Variants in BBX observed in about 807,000 individuals in gnomAD.
BBX encodes the protein BBX high mobility group box domain containing, also known as HMG box transcription factor BBX.
A neutral mutation model predicts 100.2 loss-of-function variants in BBX; 30 were observed. That is an observed-to-expected ratio of 0.30 (90% CI 0.22 to 0.41). The LOEUF (loss-of-function observed/expected upper bound fraction) is 0.41, where lower values mean the gene tolerates loss of function less well. Among genes scored for constraint, BBX ranks in the 10% least tolerant of loss-of-function variants. BBX has a pLI of 1.00. For synonymous variants in BBX, 376 were observed against 388.1 expected, an observed-to-expected ratio of 0.97 and a Z score of 0.37; for missense variants, 1,023 against 1,129.8, an observed-to-expected ratio of 0.91 and a Z score of 1.35.
Position 107,724,009 on chromosome 3 carries a change from T to G in BBX, c.406-4756T>G, listed in dbSNP as rs1302491022. ...ACACTGTCTTCCACAATGGATGAAC[T>G]AGTTTACAGTCCCACCAACAGTGTA... On this transcript the variant is annotated intron_variant, in intron 5 of 17. Coordinates refer to ENST00000325805, the MANE Select transcript of BBX (RefSeq NM_001142568.3). 7.2e-5 allele frequency among the ~76,000 whole-genome samples: 11 copies of G among 152,236 alleles called. 1 individual carries two copies. In the East Asian group the frequency reaches 2.1e-3, roughly 29 times the overall value.
chr3:107,672,447 C>A (rs2059069324), intron 3 of BBX, among the ~76,000 whole-genome samples: 1 of 151,876 alleles, frequency 6.6e-6, no homozygotes, highest in Admixed American at 6.6e-5. Context: ...TGAAAAGAAC[C>A]TATGTTGGAA....
chr3:107,578,708 C>T (rs1420781048), intron 2 of BBX, among the ~76,000 whole-genome samples: 1 of 152,118 alleles, frequency 6.6e-6, no homozygotes, highest in African/African-American at 2.4e-5. Flanking sequence ...AAGCACAGCA[C>T]ACTCAGCTCA....
At chr3:107,638,168 C>T (rs961861657) in intron 2 of BBX, among the ~76,000 whole-genome samples, 2 of 151,706 alleles carry the variant, frequency 1.3e-5, no homozygotes, top group Admixed American at 6.6e-5. Context: ...CCTTCCACCT[C>T]AGCCTCCCAA....
intron 3 of BBX, among the ~76,000 whole-genome samples, chr3:107,686,342 G>A (rs2059845032): frequency 6.6e-6 from 1 of 151,896 alleles, no homozygotes; most frequent in Admixed American, 6.6e-5. Context: ...AACCATAAGA[G>A]AAACCTTCTG....
chr3:107,618,551 T>G (rs1201242607), intron 2 of BBX, among the ~76,000 whole-genome samples: 1 of 152,110 alleles, frequency 6.6e-6, no homozygotes, highest in Non-Finnish European at 1.5e-5. Flanking sequence ...GGTTCCCGTT[T>G]GAGCATTGCG....
At chr3:107,539,127 A>G (rs941811892) in intron 2 of BBX, among the ~76,000 whole-genome samples, 41 of 152,138 alleles carry the variant, frequency 2.7e-4, no homozygotes, top group Non-Finnish European at 4.9e-4. Flanking sequence ...TTGCTTTATC[A>G]TAATAATGTC....
At chr3:107,693,295 A>C (rs1366139811) in intron 3 of BBX, among the ~76,000 whole-genome samples, 2 of 151,776 alleles carry the variant, frequency 1.3e-5, no homozygotes, top group Non-Finnish European at 1.5e-5. Flanking sequence ...CTGAATGGTA[A>C]TGCCTAGGTT....
intron 4 of BBX, chr3:107,711,193 A>T: frequency 2.6e-6 from 1 of 387,834 alleles, no homozygotes; most frequent in South Asian, 1.9e-5. Context: ...ACTCATTCAA[A>T]GTCAAAAGAT....
At position 107,641,172 on chromosome 3, in the gene BBX, C is replaced by T. The variant is rs1165502872; in HGVS notation, c.-83-4664C>T. On this transcript the variant is annotated intron_variant, in intron 2 of 17. Coordinates refer to ENST00000325805, the MANE Select transcript of BBX (RefSeq NM_001142568.3). Reference sequence around the variant, plus strand: ...TTACCTAAGCTCACTGCAACCTCCACCTCCCGGGTTTAAGCAAGTCTCCTG... The same window carrying T: ...TTACCTAAGCTCACTGCAACCTCCATCTCCCGGGTTTAAGCAAGTCTCCTG... 4.0e-5 allele frequency among the ~76,000 whole-genome samples: 6 copies of T among 150,350 alleles called. No individual in the cohort carries two copies. In the East Asian group the frequency reaches 9.9e-4, roughly 25 times the overall value.
Position 107,605,950 on chromosome 3 carries a change from G to A in BBX, c.-83-39886G>A, listed in dbSNP as rs839333. 4.5e-3 allele frequency among the ~76,000 whole-genome samples: 691 copies of A among 152,228 alleles called. 10 individuals are homozygous for A. The highest frequency in any genetic ancestry group is 0.016 in the African/African-American group (672 of 41,510). On this transcript the variant is annotated intron_variant, in intron 2 of 17. Transcript: ENST00000325805. ...CTGTTGGATACTCATTGCCTTAACT[G>A]TTGAAAATGGAACAGATTTTTCAAG...
chr3:107,579,027 T>G (rs1287406114), intron 2 of BBX, among the ~76,000 whole-genome samples: 1 of 152,138 alleles, frequency 6.6e-6, no homozygotes, highest in Non-Finnish European at 1.5e-5. Context: ...TGAGGGACCC[T>G]CTTGTTCTAT....
At position 107,643,614 on chromosome 3, in the gene BBX, C is replaced by A. The variant is rs150428822; in HGVS notation, c.-83-2222C>A. 3.7e-4 allele frequency among the ~76,000 whole-genome samples: 56 copies of A among 152,138 alleles called. No individual in the cohort carries two copies. In the East Asian group the frequency reaches 0.011, roughly 29 times the overall value. ...GATGAAAATCTGCCCAGGCGTTGGT[C>A]TCAGGGCTCATTCAAGTCACCGTTC... On this transcript the variant is annotated intron_variant, in intron 2 of 17. Coordinates refer to ENST00000325805, the MANE Select transcript of BBX (RefSeq NM_001142568.3).
chr3:107,559,987 A>G (rs1303552181), intron 2 of BBX, among the ~76,000 whole-genome samples: 1 of 151,978 alleles, frequency 6.6e-6, no homozygotes, highest in Admixed American at 6.6e-5. Flanking sequence ...CAAGCAATCC[A>G]CCCACCTTGG....
chr3:107,715,868 T>C (rs1055010728), intron 4 of BBX, among the ~76,000 whole-genome samples: 4 of 152,230 alleles, frequency 2.6e-5, no homozygotes, highest in African/African-American at 9.6e-5. Context: ...GGATTCAAAA[T>C]TGATTTTGAA....
intron 2 of BBX, among the ~76,000 whole-genome samples, chr3:107,617,780 G>T (rs189514512): frequency 2.0e-4 from 30 of 152,124 alleles, no homozygotes; most frequent in Admixed American, 1.6e-3. Context: ...CATTTTAGAA[G>T]ATGTTTTTGT....
intron 7 of BBX, among the ~76,000 whole-genome samples, chr3:107,743,811 T>G (rs973871060): frequency 6.6e-6 from 1 of 152,032 alleles, no homozygotes. Context: ...GGTAGAATAT[T>G]CTATTTTTGT....
At chr3:107,571,376 C>G (rs568958082) in intron 2 of BBX, among the ~76,000 whole-genome samples, 2 of 152,182 alleles carry the variant, frequency 1.3e-5, no homozygotes, top group Non-Finnish European at 2.9e-5. Context: ...TGGTTAAACA[C>G]CAAGGGAAGA....
chr3:107,737,893 T>TTG (rs1553795861), intron 7 of BBX, among the ~76,000 whole-genome samples: 1,630 of 133,416 alleles, frequency 0.012, 23 homozygotes, highest in Non-Finnish European at 0.021. Flanking sequence ...AGTTTTTTTT[T>TTG]TTTTTTTTTT....
chr3:107,658,301 A>T (rs2058258102), intron 3 of BBX, among the ~76,000 whole-genome samples: 1 of 152,158 alleles, frequency 6.6e-6, no homozygotes, highest in African/African-American at 2.4e-5. Flanking sequence ...GACTATTTTA[A>T]ATCAAAGCTC....
Sources: gnomAD v4.1 joint callset for allele counts (sites outside exome capture counted in the v4.1 genomes callset) on GRCh38, gnomAD v4.1.1 for gene constraint, MANE v1.5 for transcripts, NCBI Gene and HGNC (gene_info 2026-07-23, HGNC 2026-07-21) for gene names.